The following L3MBTL4 variants were observed in gnomAD, a reference collection of about 807,000 sequenced individuals.
L3MBTL4 encodes lethal(3)malignant brain tumor-like protein 4.
Under a neutral mutation model 84.5 loss-of-function variants are expected in L3MBTL4, and 70 were observed. The observed-to-expected ratio is 0.83, with a 90% CI of 0.68 to 1.01. The LOEUF (loss-of-function observed/expected upper bound fraction) is 1.01, where lower values mean the gene tolerates loss of function less well. Ranked by LOEUF, L3MBTL4 falls within the 50% of genes least tolerant of loss-of-function variation. L3MBTL4 has a pLI of 0.00. For missense variants in L3MBTL4, 715 were observed against 754.8 expected (o/e 0.95, Z 0.62); for synonymous variants, 274 against 259.8 (o/e 1.05, Z -0.52).
chr18:5,990,327 C>A (rs529564537), intron 16 of L3MBTL4, among the ~76,000 whole-genome samples: 50 of 152,104 alleles, frequency 3.3e-4, no homozygotes, highest in Non-Finnish European at 6.0e-4. Context: ...TTTCTGAGGG[C>A]CTTTAACTCA....
At chr18:6,147,235 T>C (rs1185758453) in intron 13 of L3MBTL4, among the ~76,000 whole-genome samples, 1 of 152,092 alleles carries the variant, frequency 6.6e-6, no homozygotes, top group Non-Finnish European at 1.5e-5. Context: ...ATGAAATAAT[T>C]ACCCTTGAAC....
At chr18:6,393,619 T>G (rs919913669) in intron 1 of L3MBTL4, among the ~76,000 whole-genome samples, 4 of 152,138 alleles carry the variant, frequency 2.6e-5, no homozygotes, top group African/African-American at 9.7e-5. Flanking sequence ...CTTGGAGCCA[T>G]GGGGGGCTCC....
intron 12 of L3MBTL4, among the ~76,000 whole-genome samples, chr18:6,178,653 C>G (rs2044329846): frequency 6.6e-6 from 1 of 152,226 alleles, no homozygotes; most frequent in South Asian, 2.1e-4. Context: ...CAACCACTGT[C>G]TCAAGTTCTT....
At chr18:6,047,607 C>T (rs1185399572) in intron 16 of L3MBTL4, among the ~76,000 whole-genome samples, 1 of 152,156 alleles carries the variant, frequency 6.6e-6, no homozygotes, top group African/African-American at 2.4e-5. Context: ...AAATGCAAAT[C>T]AATAAATGTG....
At chr18:6,015,462 TGGAGTTTTAGGTCCCA>T (rs1182425236) in intron 16 of L3MBTL4, among the ~76,000 whole-genome samples, 3 of 152,212 alleles carry the variant, frequency 2.0e-5, no homozygotes, top group African/African-American at 7.2e-5. Flanking sequence ...ATGTGGAACT[TGGAGTTTTAGGTCCCA>T]GGAGCCTTTG....
chr18:6,254,069 G>C lies in L3MBTL4; in HGVS notation c.220-9481C>G, dbSNP rs184464332. Among the ~76,000 whole-genome samples the C allele has an allele frequency of 1.1e-4, 16 of 152,178 alleles. No homozygotes were observed. In the East Asian group the frequency reaches 2.3e-3, roughly 22 times the overall value. ...AGAGTGGGGTTCATGATGTCTTCGG[G>C]CGTTCTAGAATCCTCTTGAATTTTA... is the stretch of plus-strand genomic sequence containing the variant. On this transcript the variant is annotated intron_variant, in intron 5 of 18. Transcript: ENST00000317931.
chr18:6,387,083 C>T (rs902807152), intron 1 of L3MBTL4, among the ~76,000 whole-genome samples: 3 of 152,098 alleles, frequency 2.0e-5, no homozygotes, highest in Non-Finnish European at 2.9e-5. Context: ...GACAGGATTA[C>T]AGAGAAAAAG....
rs139655204 is a variant in L3MBTL4 at position 6,124,721 on chromosome 18, G to A, written c.1199+13473C>T. On this transcript the variant is annotated intron_variant, in intron 14 of 18. Coordinates refer to ENST00000317931, the MANE Select transcript of L3MBTL4 (RefSeq NM_001330559.2). ...TCAAAACAACTCTTGAAGTGTGCTG[G>A]AACAAGGAATAAAGGAAATTAAGTA... Among the ~76,000 whole-genome samples, 168 of 152,124 alleles carry A rather than the reference G, an allele frequency of 1.1e-3. 1 individual carries two copies. Among genetic ancestry groups the A allele is most frequent in the African/African-American group, 3.9e-3 (161 of 41,512 alleles).
intron 16 of L3MBTL4, among the ~76,000 whole-genome samples, chr18:6,016,292 G>A (rs1350141808): frequency 2.0e-5 from 3 of 152,294 alleles, no homozygotes; most frequent in East Asian, 1.9e-4. Context: ...CTGGAATTTC[G>A]AACTACATGC....
In L3MBTL4 at chr18:5,978,858, T is replaced by A. The variant is rs1056954315; in HGVS notation, c.1445-9296A>T. ...CTACGGTGGAGGGCAGTGCAACCAG[T>A]CCAAAAGCCTGAGCAGGTCTGCGTG... On this transcript the variant is annotated intron_variant, in intron 16 of 18. Transcript: ENST00000317931. Among the ~76,000 whole-genome samples the A allele has an allele frequency of 5.9e-5, 9 of 152,270 alleles. No homozygotes were observed. In the East Asian group the frequency reaches 1.7e-3, roughly 29 times the overall value.
At chr18:6,223,348 A>G (rs554506848) in intron 10 of L3MBTL4, among the ~76,000 whole-genome samples, 4 of 152,358 alleles carry the variant, frequency 2.6e-5, no homozygotes, top group African/African-American at 9.6e-5. Context: ...GTTTAACACA[A>G]AAATGCTGAG....
At chr18:6,118,462 C>T (rs925726558) in intron 14 of L3MBTL4, among the ~76,000 whole-genome samples, 5 of 152,150 alleles carry the variant, frequency 3.3e-5, no homozygotes, top group African/African-American at 1.2e-4. Flanking sequence ...TCATCTCCTT[C>T]CCTGACTGAG....
In L3MBTL4 at chr18:6,248,524, C is replaced by A. The variant is rs114545474; in HGVS notation, c.220-3936G>T. ...TAGCAAAAGTTACTCAAAAATGTAT[C>A]TCTTCCTCCCATATTCTATCCACCG... On this transcript the variant is annotated intron_variant, in intron 5 of 18. Transcript: ENST00000317931. Among the ~76,000 whole-genome samples, 404 of 152,310 alleles carry A rather than the reference C, an allele frequency of 2.7e-3. 2 individuals carry two copies. The highest frequency in any genetic ancestry group is 9.3e-3 in the African/African-American group (386 of 41,572).
In L3MBTL4 at chr18:5,960,114, C is replaced by T. The variant is rs751446369; in HGVS notation, c.1657G>A (p.Ala553Thr). 5.2e-6 allele frequency: 8 copies of T among 1,549,554 alleles called. No homozygotes were observed. In the South Asian group the frequency reaches 6.2e-5, roughly 12 times the overall value. Residue 553 changes from alanine to threonine, a missense_variant, in exon 18 of 19, where the codon GCC becomes ACC. Ala to Thr is a moderately conservative substitution (Grantham distance 58). Transcript: ENST00000317931. ...VQSLLGCEEHAKCFKKEQIDG... is the reference protein window; with the variant it reads ...VQSLLGCEEHTKCFKKEQIDG... ...CTTACCTCTTTCTTAAAGCACTTGGCATGCTCTTCACAGCCCAGAAGAGAC... is the reference window on the plus strand; with the variant it reads ...CTTACCTCTTTCTTAAAGCACTTGGTATGCTCTTCACAGCCCAGAAGAGAC...
At chr18:6,163,280 T>G (rs1598963585) in intron 13 of L3MBTL4, among the ~76,000 whole-genome samples, 5 of 112,660 alleles carry the variant, frequency 4.4e-5, no homozygotes, top group African/African-American at 1.7e-4. Flanking sequence ...TGGGTGTGTG[T>G]GTGTGTGTGT....
At chr18:6,226,780 A>G (rs2046802019) in intron 10 of L3MBTL4, among the ~76,000 whole-genome samples, 1 of 152,194 alleles carries the variant, frequency 6.6e-6, no homozygotes, top group African/African-American at 2.4e-5. Flanking sequence ...AAATGGAAGC[A>G]TTAAATAATA....
At position 6,275,835 on chromosome 18, in the gene L3MBTL4, C is replaced by T. The variant is rs868610958; in HGVS notation, c.128-11797G>A. On this transcript the variant is annotated intron_variant, in intron 4 of 18. Coordinates refer to ENST00000317931, the MANE Select transcript of L3MBTL4 (RefSeq NM_001330559.2). ...TGGTTCAGCCAACACTTATTAAGTACTGTGAAAGGAAAAGAAAACTCAGGA... is the reference window on the plus strand; with the variant it reads ...TGGTTCAGCCAACACTTATTAAGTATTGTGAAAGGAAAAGAAAACTCAGGA... 3.3e-5 allele frequency among the ~76,000 whole-genome samples: 5 copies of T among 152,266 alleles called. No individual in the cohort carries two copies. In the South Asian group the frequency reaches 1.0e-3, roughly 32 times the overall value.
intron 10 of L3MBTL4, among the ~76,000 whole-genome samples, chr18:6,237,383 T>C (rs1004159285): frequency 2.6e-5 from 4 of 151,500 alleles, no homozygotes; most frequent in African/African-American, 4.8e-5. Flanking sequence ...TATTCAACAA[T>C]GGTACTCATT....
At chr18:6,080,381 T>C (rs141325856) in intron 16 of L3MBTL4, among the ~76,000 whole-genome samples, 70 of 152,342 alleles carry the variant, frequency 4.6e-4, no homozygotes, top group African/African-American at 1.7e-3. Context: ...GGAGCCTTCA[T>C]TGGAAAGAAA....
Sources: gnomAD v4.1 joint callset for allele counts (sites outside exome capture counted in the v4.1 genomes callset) on GRCh38, gnomAD v4.1.1 for gene constraint, MANE v1.5 for transcripts, NCBI Gene and HGNC (gene_info 2026-07-23, HGNC 2026-07-21) for gene names.